Variants in ADAM23 observed in about 807,000 individuals in gnomAD.
ADAM23 encodes ADAM metallopeptidase domain 23, also known as disintegrin and metalloproteinase domain-containing protein 23.
Under a neutral mutation model 120.1 loss-of-function variants are expected in ADAM23, and 33 were observed. The ratio of observed to expected loss-of-function variants is 0.27; its 90% CI spans 0.21 to 0.37. ADAM23 has a LOEUF of 0.37. Among genes scored for constraint, ADAM23 ranks in the 10% least tolerant of loss-of-function variants. ADAM23 has a pLI of 1.00. For missense variants in ADAM23, 862 were observed against 1,058.2 expected, an observed-to-expected ratio of 0.81 and a Z score of 2.57; for synonymous variants, 367 against 375.2, an observed-to-expected ratio of 0.98 and a Z score of 0.25.
At chr2:206,540,891 GCTATATTTTATAAA>G (rs1406209554) in intron 4 of ADAM23, among the ~76,000 whole-genome samples, 1 of 150,040 alleles carries the variant, frequency 6.7e-6, no homozygotes, top group Non-Finnish European at 1.5e-5. Flanking sequence ...AGAATTCTCA[GCTATATTTTATAAA>G]TAATAAAAAT....
intron 3 of ADAM23, among the ~76,000 whole-genome samples, chr2:206,528,700 G>A (rs13007621): frequency 0.072 from 10,902 of 152,118 alleles, 431 homozygotes; most frequent in Middle Eastern, 0.11. Context: ...GTAGTGTCAC[G>A]GTTTCCTAAC....
chr2:206,573,941 C>CA (rs1181592551), intron 18 of ADAM23, among the ~76,000 whole-genome samples: 1 of 151,994 alleles, frequency 6.6e-6, no homozygotes, highest in African/African-American at 2.4e-5. Context: ...GCCTCATTAA[C>CA]AGAGTTTTTG....
At chr2:206,590,319 A>T (rs985130206) in intron 21 of ADAM23, among the ~76,000 whole-genome samples, 1 of 152,144 alleles carries the variant, frequency 6.6e-6, no homozygotes, top group African/African-American at 2.4e-5. Context: ...GCTGGTATTG[A>T]ACTCCTGGCC....
intron 3 of ADAM23, among the ~76,000 whole-genome samples, chr2:206,513,671 A>G (rs981046262): frequency 5.9e-5 from 9 of 152,254 alleles, no homozygotes; most frequent in African/African-American, 2.2e-4. Context: ...TTTTCAATGT[A>G]GATGAAACAG....
At chr2:206,495,085 A>T (rs1377450322) in intron 3 of ADAM23, among the ~76,000 whole-genome samples, 4 of 152,224 alleles carry the variant, frequency 2.6e-5, no homozygotes, top group African/African-American at 9.6e-5. Flanking sequence ...GCAGGATATT[A>T]TCCAGGAGAA....
chr2:206,528,138 T>C (rs1044658084), intron 3 of ADAM23, among the ~76,000 whole-genome samples: 3 of 152,138 alleles, frequency 2.0e-5, no homozygotes, highest in East Asian at 3.9e-4. Flanking sequence ...ATGTTGAAAA[T>C]AGTAAATTAC....
chr2:206,444,389 A>C (rs564820595), intron 1 of ADAM23, among the ~76,000 whole-genome samples: 3 of 152,286 alleles, frequency 2.0e-5, no homozygotes, highest in African/African-American at 7.2e-5. Flanking sequence ...GTGGATGGGA[A>C]ATACAGCGAG....
Position 206,445,332 on chromosome 2 carries a change from A to G in ADAM23, c.240A>G (p.Glu80=), listed in dbSNP as rs1695058504. The change falls in exon 2 of 26, where the codon GAA becomes GAG. Residue 80 remains glutamate, a synonymous_variant. Transcript: ENST00000264377. ...PSAPHWNETA[E]KNLGVLADED... ...CTCCGCATTGGAATGAAACTGCAGA[A>G]AAAAATTTGGGAGTCCTGGCAGATG... is the stretch of plus-strand genomic sequence containing the variant. The G allele has an allele frequency of 6.2e-7, 1 of 1,613,976 alleles. No homozygotes were observed. Among genetic ancestry groups the G allele is most frequent in the Admixed American group, 1.7e-5 (1 of 59,982 alleles).
At chr2:206,602,047 G>T (rs1012118890) in intron 24 of ADAM23, among the ~76,000 whole-genome samples, 1 of 151,888 alleles carries the variant, frequency 6.6e-6, no homozygotes, top group South Asian at 2.1e-4. Flanking sequence ...ATATCCTTTT[G>T]GTGACTGTCT....
chr2:206,588,659 C>T (rs934789827), intron 20 of ADAM23, among the ~76,000 whole-genome samples: 6 of 152,140 alleles, frequency 3.9e-5, no homozygotes, highest in Admixed American at 2.0e-4. Context: ...TAGTACATTC[C>T]GTAAAAGTTC....
chr2:206,451,986 C>T (rs936427121), intron 2 of ADAM23, among the ~76,000 whole-genome samples: 6 of 152,176 alleles, frequency 3.9e-5, no homozygotes, highest in Non-Finnish European at 5.9e-5. Flanking sequence ...GGTATTGACA[C>T]GTGCTTGCAG....
intron 2 of ADAM23, among the ~76,000 whole-genome samples, chr2:206,455,376 C>T (rs778622708): frequency 6.6e-6 from 1 of 152,148 alleles, no homozygotes; most frequent in Non-Finnish European, 1.5e-5. Context: ...CCAGGTCTGG[C>T]CCAAGAAACC....
chr2:206,614,367 A>C (rs1238657974), intron 25 of ADAM23, among the ~76,000 whole-genome samples: 1 of 152,202 alleles, frequency 6.6e-6, no homozygotes, highest in Admixed American at 6.5e-5. Context: ...TTACCAGCAA[A>C]GTTAAGAGTT....
chr2:206,459,675 T>C (rs1695373431), intron 2 of ADAM23, among the ~76,000 whole-genome samples: 1 of 152,202 alleles, frequency 6.6e-6, no homozygotes, highest in South Asian at 2.1e-4. Context: ...CACTTGGATG[T>C]CTTATAGGCA....
At chr2:206,532,232 C>T (rs1394394593) in intron 4 of ADAM23, among the ~76,000 whole-genome samples, 1 of 151,898 alleles carries the variant, frequency 6.6e-6, no homozygotes, top group Non-Finnish European at 1.5e-5. Flanking sequence ...CTGGAGTAGA[C>T]AAGATTGCAG....
chr2:206,444,587 C>T (rs1000561951), intron 1 of ADAM23, among the ~76,000 whole-genome samples: 14 of 152,130 alleles, frequency 9.2e-5, no homozygotes, highest in Non-Finnish European at 1.6e-4. Flanking sequence ...TCATGCACGA[C>T]CTTTGGTTCT....
intron 18 of ADAM23, among the ~76,000 whole-genome samples, chr2:206,575,187 A>T (rs774420878): frequency 1.3e-5 from 2 of 152,194 alleles, no homozygotes; most frequent in Non-Finnish European, 2.9e-5. Flanking sequence ...TAACTTCTCC[A>T]TGAAATGGAA....
chr2:206,451,159 A>T (rs1406939331), intron 2 of ADAM23, among the ~76,000 whole-genome samples: 1 of 152,230 alleles, frequency 6.6e-6, no homozygotes, highest in Non-Finnish European at 1.5e-5. Context: ...GAATCGGCAG[A>T]GGAGAGGCTC....
intron 3 of ADAM23, among the ~76,000 whole-genome samples, chr2:206,482,117 A>G (rs921083600): frequency 2.0e-5 from 3 of 152,230 alleles, no homozygotes; most frequent in African/African-American, 7.2e-5. Flanking sequence ...ACCACAACCA[A>G]TATTTGAGAA....
Sources: gnomAD v4.1 joint callset for allele counts (sites outside exome capture counted in the v4.1 genomes callset) on GRCh38, gnomAD v4.1.1 for gene constraint, MANE v1.5 for transcripts, NCBI Gene and HGNC (gene_info 2026-07-23, HGNC 2026-07-21) for gene names.